Variants in GATAD2A observed in about 807,000 individuals in gnomAD.
GATAD2A encodes the protein GATA zinc finger domain containing 2A.
In GATAD2A, 12 loss-of-function variants were observed where a neutral mutation model predicts 68.5. The ratio of observed to expected loss-of-function variants is 0.18; its 90% confidence interval spans 0.11 to 0.28. The LOEUF (loss-of-function observed/expected upper bound fraction) is 0.28, where lower values mean the gene tolerates loss of function less well. GATAD2A is among the 10% of genes least tolerant of loss of function. The pLI is 1.00. For missense variants in GATAD2A, 755 were observed against 868.5 expected (o/e 0.87, Z 1.64); for synonymous variants, 410 against 375.3 (o/e 1.09, Z -1.07).
chr19:19,424,785 G>T (rs78619620), intron 1 of GATAD2A, among the ~76,000 whole-genome samples: 2,295 of 152,242 alleles, frequency 0.015, 49 homozygotes, highest in African/African-American at 0.051. Context: ...CCAGGAGGTT[G>T]CCCATATGAC....
chr19:19,437,520 A>C (rs573594488), intron 1 of GATAD2A, among the ~76,000 whole-genome samples: 3 of 152,250 alleles, frequency 2.0e-5, no homozygotes, highest in Admixed American at 2.0e-4. Context: ...CACAATTACC[A>C]CCTTTATTTA....
chr19:19,472,128 C>G (rs1209811105), intron 2 of GATAD2A, among the ~76,000 whole-genome samples: 4 of 152,192 alleles, frequency 2.6e-5, no homozygotes, highest in Non-Finnish European at 5.9e-5. Context: ...AACTCCTGAT[C>G]TCAAGTGATC....
intron 1 of GATAD2A, among the ~76,000 whole-genome samples, chr19:19,444,034 T>C (rs1361700954): frequency 6.6e-6 from 1 of 152,128 alleles, no homozygotes; most frequent in African/African-American, 2.4e-5. Flanking sequence ...GTGGGTGCTG[T>C]TCCCATTTTA....
chr19:19,501,881 ACGGGC>A (rs2148494639), intron 9 of GATAD2A, 83 bp from the exon 10 acceptor site: 1 of 950,062 alleles, frequency 1.1e-6, no homozygotes, highest in East Asian at 2.4e-5. Flanking sequence ...TCCCCAGGGG[ACGGGC>A]CTGTCCTGTG....
At chr19:19,426,666 AC>A in intron 1 of GATAD2A, among the ~76,000 whole-genome samples, 1 of 151,672 alleles carries the variant, frequency 6.6e-6, no homozygotes, top group Non-Finnish European at 1.5e-5. Context: ...ACACACCCCT[AC>A]CCCTGGCAAA....
chr19:19,442,783 A>G (rs892018576), intron 1 of GATAD2A, among the ~76,000 whole-genome samples: 1 of 152,002 alleles, frequency 6.6e-6, no homozygotes, highest in African/African-American at 2.4e-5. Context: ...AAAAAAAAAA[A>G]AAAAACCCAC....
At chr19:19,412,061 A>T (rs570806055) in intron 1 of GATAD2A, among the ~76,000 whole-genome samples, 59 of 147,344 alleles carry the variant, frequency 4.0e-4, no homozygotes, top group African/African-American at 1.3e-3. Context: ...CAATGTAGCA[A>T]TCCCCCATCT....
At chr19:19,435,433 C>T (rs1276162379) in intron 1 of GATAD2A, among the ~76,000 whole-genome samples, 3 of 152,176 alleles carry the variant, frequency 2.0e-5, no homozygotes, top group Non-Finnish European at 4.4e-5. Flanking sequence ...CCATGTTGCC[C>T]GGGCTTGTCT....
Position 19,502,443 on chromosome 19 carries a change from G to A in GATAD2A, c.1691G>A (p.Arg564Lys), listed in dbSNP as rs975151976. The change falls in exon 11 of 12, where the codon AGG (arginine) becomes AAG (lysine). Residue 564 changes from arginine to lysine, a missense_variant. Coordinates refer to ENST00000683918, the MANE Select transcript of GATAD2A (RefSeq NM_001384528.1). The part of the protein sequence containing the change: ...NSASATALVS[R>K]TGRHSERTVS... Reference sequence around the variant, plus strand: ...GCCTCGGCCACAGCCCTGGTCAGCAGGACCGGCAGACATTCTGAGAGAACC... The same window carrying A: ...GCCTCGGCCACAGCCCTGGTCAGCAAGACCGGCAGACATTCTGAGAGAACC... 6 of 1,613,764 alleles carry A rather than the reference G, an allele frequency of 3.7e-6. No individual in the cohort carries two copies. In the Admixed American group the frequency reaches 6.7e-5, roughly 18 times the overall value.
intron 2 of GATAD2A, among the ~76,000 whole-genome samples, chr19:19,483,284 T>G (rs2148276244): frequency 6.6e-6 from 1 of 152,282 alleles, no homozygotes; most frequent in Non-Finnish European, 1.5e-5. Flanking sequence ...CTCACCATAA[T>G]GGATTCCCAG....
At chr19:19,455,190 TA>T (rs1432205286) in intron 1 of GATAD2A, among the ~76,000 whole-genome samples, 2 of 151,280 alleles carry the variant, frequency 1.3e-5, no homozygotes, top group South Asian at 4.2e-4. Context: ...CCCCATCTCT[TA>T]AAAAAATTTT....
At chr19:19,385,871 T>TGCGGCTCCGAGCGCTGCGCG (rs1382248684) in exon 1 of GATAD2A, 3 of 151,522 alleles carry the variant, frequency 2.0e-5, no homozygotes, top group African/African-American at 7.3e-5. Flanking sequence ...GAGACTGAGC[T>TGCGGCTCCGAGCGCTGCGCG]GCGGCTCCGA....
At chr19:19,503,644 CTGTGTGTGTGTG>C (rs58706182) in intron 11 of GATAD2A, among the ~76,000 whole-genome samples, 10 of 148,716 alleles carry the variant, frequency 6.7e-5, no homozygotes, top group Non-Finnish European at 1.3e-4. Flanking sequence ...CATCTGGAAG[CTGTGTGTGTGTG>C]TGTGTGTGTG....
intron 1 of GATAD2A, among the ~76,000 whole-genome samples, chr19:19,425,550 A>G (rs947838543): frequency 6.6e-6 from 1 of 152,226 alleles, no homozygotes; most frequent in Non-Finnish European, 1.5e-5. Flanking sequence ...CATAATTAGC[A>G]TGCTTTGCAC....
In GATAD2A at chr19:19,429,684, A is replaced by G. The variant is rs115093960; in HGVS notation, c.-7+23665A>G. On this transcript the variant is annotated intron_variant, in intron 1 of 11. Coordinates refer to ENST00000683918, the MANE Select transcript of GATAD2A (RefSeq NM_001384528.1). Reference sequence around the variant, plus strand: ...GCTGAGGGAGGAGACAGGCAGGGGCAGACCAGGGGCCTACAACATGTACTG... The same window carrying G: ...GCTGAGGGAGGAGACAGGCAGGGGCGGACCAGGGGCCTACAACATGTACTG... Among the ~76,000 whole-genome samples the G allele has an allele frequency of 9.9e-3, 1,498 of 151,654 alleles. 26 individuals carry two copies. Among genetic ancestry groups the G allele is most frequent in the African/African-American group, 0.034 (1,429 of 41,448 alleles).
intron 1 of GATAD2A, among the ~76,000 whole-genome samples, chr19:19,462,725 A>G (rs1451181543): frequency 6.6e-6 from 1 of 152,248 alleles, no homozygotes; most frequent in Non-Finnish European, 1.5e-5. Flanking sequence ...TGCATCTCTC[A>G]GAACCTCTGG....
intron 2 of GATAD2A, among the ~76,000 whole-genome samples, chr19:19,486,223 T>C (rs976471662): frequency 6.6e-6 from 1 of 152,270 alleles, no homozygotes; most frequent in Non-Finnish European, 1.5e-5. Flanking sequence ...CTCAGAAAGC[T>C]GTCAGGTCAG....
chr19:19,446,322 GTC>G (rs1346386705), intron 1 of GATAD2A, among the ~76,000 whole-genome samples: 2 of 152,086 alleles, frequency 1.3e-5, no homozygotes, highest in African/African-American at 4.8e-5. Flanking sequence ...TTGGTGATTC[GTC>G]TCTCTTCTTT....
At chr19:19,493,775 C>CAAGTGG (rs2059966791) in intron 4 of GATAD2A, among the ~76,000 whole-genome samples, 1 of 140,734 alleles carries the variant, frequency 7.1e-6, no homozygotes. Context: ...ACCTAGTTAG[C>CAAGTGG]AAGTGGATTG....
Sources: allele counts gnomAD v4.1 joint callset (sites outside exome capture counted in the v4.1 genomes callset), GRCh38; gene constraint gnomAD v4.1.1; transcripts MANE v1.5; gene names NCBI Gene and HGNC (gene_info 2026-07-23, HGNC 2026-07-21).